The following DCAF1 variants were observed in gnomAD, a reference collection of about 807,000 sequenced individuals.
The protein encoded by DCAF1 is DDB1- and CUL4-associated factor 1.
A neutral mutation model predicts 128.0 loss-of-function variants in DCAF1; 15 were observed. That is an observed-to-expected ratio of 0.12 (90% CI 0.08 to 0.18). The LOEUF (loss-of-function observed/expected upper bound fraction) is 0.18, where lower values mean the gene tolerates loss of function less well. Among genes scored for constraint, DCAF1 ranks in the 10% least tolerant of loss-of-function variants. The probability of loss-of-function intolerance (pLI) is 1.00; values close to 1 mark genes in which losing one functional copy is unlikely to be tolerated. For synonymous variants in DCAF1, 610 were observed against 603.0 expected (o/e 1.01, Z -0.17); for missense variants, 988 against 1,649.5 (o/e 0.60, Z 6.95).
At chr3:51,418,397 C>G (rs1426698034) in intron 16 of DCAF1, among the ~76,000 whole-genome samples, 199 bp from the exon 17 acceptor site, 1 of 152,052 alleles carries the variant, frequency 6.6e-6, no homozygotes, top group Non-Finnish European at 1.5e-5. Context: ...ATAAAATAAC[C>G]AAACTTAAGA....
chr3:51,407,414 G>GACCAGGTGT (rs1301444432), intron 23 of DCAF1, among the ~76,000 whole-genome samples: 1 of 152,102 alleles, frequency 6.6e-6, no homozygotes, highest in Admixed American at 6.5e-5. Context: ...ATTCAGCTCT[G>GACCAGGTGT]ACCAGGTGTG....
intron 2 of DCAF1, among the ~76,000 whole-genome samples, chr3:51,485,598 A>G (rs1559572904): frequency 6.6e-6 from 1 of 152,238 alleles, no homozygotes; most frequent in Non-Finnish European, 1.5e-5. Flanking sequence ...ATCTTCTCAG[A>G]AACAGCAACC....
chr3:51,499,608 A>C (rs1553663210), intron 1 of DCAF1, among the ~76,000 whole-genome samples: 1 of 151,110 alleles, frequency 6.6e-6, no homozygotes, highest in South Asian at 2.1e-4. Context: ...CTCCGGGCGG[A>C]AGAGTTACTC....
At chr3:51,436,645 C>T (rs529950273) in intron 9 of DCAF1, among the ~76,000 whole-genome samples, 6 of 152,208 alleles carry the variant, frequency 3.9e-5, no homozygotes, top group Non-Finnish European at 7.4e-5. Flanking sequence ...GTAGTTTGAA[C>T]GTATTTTAAT....
intron 9 of DCAF1, among the ~76,000 whole-genome samples, chr3:51,436,967 T>TA (rs34136514): frequency 6.6e-6 from 1 of 151,738 alleles, no homozygotes; most frequent in African/African-American, 2.4e-5. Flanking sequence ...GAGTGTCTTT[T>TA]AAAAAAAAGA....
chr3:51,499,796 T>G (rs1296222091), intron 1 of DCAF1, 77 bp downstream of exon 1: 7 of 123,036 alleles, frequency 5.7e-5, no homozygotes, highest in African/African-American at 2.3e-4. Context: ...CGGCGCCCAC[T>G]CTGCCGCCCG....
chr3:51,459,090 A>G (rs1703252016), intron 6 of DCAF1, among the ~76,000 whole-genome samples: 1 of 152,220 alleles, frequency 6.6e-6, no homozygotes, highest in South Asian at 2.1e-4. Context: ...TAGAGACACA[A>G]AAAACCCTTC....
chr3:51,422,778 T>A (rs1321745702), intron 13 of DCAF1, among the ~76,000 whole-genome samples: 1 of 152,196 alleles, frequency 6.6e-6, no homozygotes, highest in Non-Finnish European at 1.5e-5. Flanking sequence ...GAAAGTAATC[T>A]GGAGGCCAGG....
intron 9 of DCAF1, 135 bp from the exon 10 acceptor site, chr3:51,433,399 G>A (rs1700547999): frequency 5.1e-6 from 2 of 392,584 alleles, no homozygotes; most frequent in African/African-American, 4.1e-5. Context: ...AGAAAACCCA[G>A]TATTATTTAA....
chr3:51,457,431 G>A (rs999738800), intron 6 of DCAF1, among the ~76,000 whole-genome samples: 2 of 152,142 alleles, frequency 1.3e-5, no homozygotes, highest in African/African-American at 4.8e-5. Flanking sequence ...CCAAATCTAC[G>A]TCTGATTGGT....
At chr3:51,411,136 G>A (rs564400856) in intron 23 of DCAF1, among the ~76,000 whole-genome samples, 1 of 150,548 alleles carries the variant, frequency 6.6e-6, no homozygotes, top group Non-Finnish European at 1.5e-5. Flanking sequence ...ACTCCAGCCT[G>A]GGTGACAAGA....
intron 13 of DCAF1, among the ~76,000 whole-genome samples, chr3:51,426,163 T>C (rs530026058): frequency 6.6e-4 from 101 of 152,256 alleles, no homozygotes; most frequent in African/African-American, 2.4e-3. Flanking sequence ...TAAAATTATC[T>C]GGTTTTATTT....
rs201308860 is a variant in DCAF1, at chr3:51,402,462, T to C, written c.4465+681A>G. Among the ~76,000 whole-genome samples the C allele has an allele frequency of 7.2e-5, 11 of 152,086 alleles. No individual in the cohort carries two copies. In the East Asian group the frequency reaches 1.9e-3, roughly 27 times the overall value. ...CTATTTTTGCAAAACAAAGTTTTAT[T>C]AGAACACAGCCACAATCATTCATTT... On this transcript the variant is annotated intron_variant, in intron 24 of 24. Transcript: ENST00000684031.
chr3:51,407,649 C>T (rs1697989850), intron 23 of DCAF1, among the ~76,000 whole-genome samples: 1 of 152,142 alleles, frequency 6.6e-6, no homozygotes, highest in Non-Finnish European at 1.5e-5. Flanking sequence ...GGTTTTGTAA[C>T]TTTTCTAAAA....
At chr3:51,491,923 C>T (rs1559582727) in intron 2 of DCAF1, among the ~76,000 whole-genome samples, 8 of 151,906 alleles carry the variant, frequency 5.3e-5, no homozygotes, top group African/African-American at 2.4e-5. Context: ...TGTGGGAGGC[C>T]GAGGTGGGCA....
chr3:51,493,695 C>T (rs1553659390), intron 2 of DCAF1, among the ~76,000 whole-genome samples: 2 of 151,870 alleles, frequency 1.3e-5, no homozygotes, highest in Non-Finnish European at 2.9e-5. Flanking sequence ...TTGTATGATT[C>T]TATTTATATA....
chr3:51,486,048 C>T (rs1406603757), intron 2 of DCAF1, among the ~76,000 whole-genome samples: 17 of 152,038 alleles, frequency 1.1e-4, no homozygotes, highest in African/African-American at 3.9e-4. Flanking sequence ...TGTACCACCA[C>T]GCCAGCAAAT....
chr3:51,482,148 T>C (rs1306437064), intron 3 of DCAF1, among the ~76,000 whole-genome samples: 3 of 151,406 alleles, frequency 2.0e-5, no homozygotes, highest in Non-Finnish European at 4.4e-5. Context: ...TTCAGGTATC[T>C]GTAGAAGAGC....
chr3:51,498,367 A>G (rs1708471733), intron 1 of DCAF1, among the ~76,000 whole-genome samples: 1 of 148,892 alleles, frequency 6.7e-6, no homozygotes, highest in Admixed American at 7.1e-5. Context: ...CTCAAAAAAA[A>G]AGAAAAAAGA....
Sources: gnomAD v4.1 joint callset for allele counts (sites outside exome capture counted in the v4.1 genomes callset) on GRCh38, gnomAD v4.1.1 for gene constraint, MANE v1.5 for transcripts, NCBI Gene and HGNC (gene_info 2026-07-23, HGNC 2026-07-21) for gene names.